Variants in PMPCB observed in about 807,000 individuals in gnomAD.
The protein encoded by PMPCB is peptidase, mitochondrial processing subunit beta, also known as mitochondrial-processing peptidase subunit beta.
Under a neutral mutation model 61.5 loss-of-function variants are expected in PMPCB, and 46 were observed. That is an observed-to-expected ratio of 0.75 (90% CI 0.59 to 0.96). PMPCB has a LOEUF of 0.96. PMPCB is among the 40% of genes least tolerant of loss of function. The probability of loss-of-function intolerance (pLI) is 0.00; values close to 1 mark genes in which losing one functional copy is unlikely to be tolerated. For missense variants in PMPCB, 590 were observed against 602.4 expected (o/e 0.98, Z 0.22); for synonymous variants, 191 against 201.6 (o/e 0.95, Z 0.44).
intron 12 of PMPCB, chr7:103,322,104 C>A (rs774036735): frequency 2.5e-6 from 4 of 1,576,472 alleles, no homozygotes; most frequent in Non-Finnish European, 1.7e-6. Flanking sequence ...GGAGTAAAAT[C>A]ATTTTAATAG....
At position 103,313,843 on chromosome 7, in the gene PMPCB, T is replaced by C; in HGVS notation, c.*1572T>C. The C allele has an allele frequency of 1.0e-6, 1 of 985,328 alleles. No homozygotes were observed. The allele number at this position is 985,328 out of a possible 1,614,324, so 61.0% of individuals were successfully genotyped here. ...ACTTGTGTAGGTAAAAGTAGAATGTTAAGTGGTAGAAAGCTGATTTGGTTA... is the reference window on the plus strand; with the variant it reads ...ACTTGTGTAGGTAAAAGTAGAATGTCAAGTGGTAGAAAGCTGATTTGGTTA... On this transcript the variant is annotated 3_prime_UTR_variant, in exon 13 of 13. Transcript: ENST00000249269.
intron 4 of PMPCB, among the ~76,000 whole-genome samples, chr7:103,301,297 A>G (rs1209571182): frequency 6.6e-6 from 1 of 152,230 alleles, no homozygotes; most frequent in Non-Finnish European, 1.5e-5. Flanking sequence ...GTAAATAACT[A>G]AAATACTTAA....
At chr7:103,307,036 G>T (rs901282778) in intron 6 of PMPCB, among the ~76,000 whole-genome samples, 1 of 152,142 alleles carries the variant, frequency 6.6e-6, no homozygotes, top group African/African-American at 2.4e-5. Flanking sequence ...CGGGATTACA[G>T]GTGTGAGCCA....
At chr7:103,331,283 T>G (rs1161905561), downstream of PMPCB, among the ~76,000 whole-genome samples, 1 of 152,222 alleles carries the variant, frequency 6.6e-6, no homozygotes, top group African/African-American at 2.4e-5. Context: ...TCATGATACA[T>G]GCATAAACCA....
chr7:103,324,743 T>C lies in PMPCB; in HGVS notation c.*1432-4188T>C, dbSNP rs76981212. 3,408 of 497,594 alleles carry C rather than the reference T, an allele frequency of 6.8e-3. 204 individuals are homozygous for C. The East Asian group carries it at 0.13, about 19-fold the overall frequency. The allele number at this position is 497,594 out of a possible 1,614,324, so 30.8% of individuals were successfully genotyped here. A position where few individuals can be genotyped will look rare whatever the true frequency, so the allele number is the denominator to read the frequency against. On this transcript the variant is annotated intron_variant and NMD_transcript_variant, in intron 12 of 12. Transcript: ENST00000444457. ...GCAGTGGGGCATGAAACAATGCAGG[T>C]GTGCGAAAAGTGAGGCCAAAGATAG...
intron 12 of PMPCB, among the ~76,000 whole-genome samples, chr7:103,320,457 A>C (rs891520014): frequency 6.6e-6 from 1 of 152,030 alleles, no homozygotes; most frequent in South Asian, 2.1e-4. Context: ...TTCTAAACAT[A>C]ATCATCTTAC....
chr7:103,336,484 C>A, the PMPCB span: 1 of 152,282 alleles, frequency 6.6e-6, no homozygotes, highest in Non-Finnish European at 1.5e-5. Context: ...GCTGGGAATA[C>A]AGGTGCCCAC....
chr7:103,341,539 C>A, the PMPCB span, among the ~76,000 whole-genome samples: 1 of 152,150 alleles, frequency 6.6e-6, no homozygotes, highest in African/African-American at 2.4e-5. Flanking sequence ...CTTTTAAGAC[C>A]GGTGCAAACA....
chr7:103,330,502 G>A (rs551705266), downstream of PMPCB, among the ~76,000 whole-genome samples: 2 of 152,090 alleles, frequency 1.3e-5, no homozygotes, highest in Admixed American at 1.3e-4. Flanking sequence ...GCCCAGGCTG[G>A]AGTGCAGTGG....
At chr7:103,308,598 G>T (rs759787214) in intron 7 of PMPCB, among the ~76,000 whole-genome samples, 2 of 152,056 alleles carry the variant, frequency 1.3e-5, no homozygotes, top group Admixed American at 1.3e-4. Flanking sequence ...CAGGCTGGGC[G>T]ACAGAGTGAG....
chr7:103,343,166 C>CT, the PMPCB span, among the ~76,000 whole-genome samples: 1 of 151,758 alleles, frequency 6.6e-6, no homozygotes, highest in Non-Finnish European at 1.5e-5. Flanking sequence ...CGCCCAGCTA[C>CT]TTTTTTGTAT....
intron 2 of PMPCB, 58 bp from the exon 3 acceptor site, chr7:103,299,385 C>G (rs1817384686): frequency 9.8e-7 from 1 of 1,021,156 alleles, no homozygotes; most frequent in Non-Finnish European, 1.5e-6. Context: ...GGAGACTGTT[C>G]CCCCCAACCT....
intron 12 of PMPCB, chr7:103,322,727 T>C (rs2115885088): frequency 6.2e-7 from 1 of 1,611,984 alleles, no homozygotes; most frequent in East Asian, 2.2e-5. Flanking sequence ...ATTCTGTTCA[T>C]TTCTTCTTTT....
downstream of PMPCB, chr7:103,316,870 T>C: frequency 8.7e-6 from 14 of 1,614,052 alleles, no homozygotes; most frequent in Non-Finnish European, 1.2e-5. Flanking sequence ...ACAGCTTTAA[T>C]TAGTAATTGT....
rs761880447 is a variant in PMPCB at position 103,312,911 on chromosome 7, A to G, written c.*640A>G. The G allele has an allele frequency of 1.3e-6, 2 of 1,587,566 alleles. No individual in the cohort carries two copies. The highest frequency in any genetic ancestry group is 2.3e-5 in the South Asian group (2 of 86,054). On this transcript the variant is annotated 3_prime_UTR_variant, in exon 13 of 13. Transcript: ENST00000249269. ...AGCTATATCACCCAAGCTACAATTTAAAATACAACAATCTATAAACGCTTA... is the reference window on the plus strand; with the variant it reads ...AGCTATATCACCCAAGCTACAATTTGAAATACAACAATCTATAAACGCTTA...
intron 12 of PMPCB, among the ~76,000 whole-genome samples, chr7:103,328,168 C>T (rs1054429451): frequency 6.6e-5 from 10 of 151,862 alleles, no homozygotes; most frequent in South Asian, 2.1e-4. Flanking sequence ...GTGATCCACC[C>T]GCCTCGGCCT....
At chr7:103,332,140 G>A (rs562023290), downstream of PMPCB, among the ~76,000 whole-genome samples, 46 of 152,034 alleles carry the variant, frequency 3.0e-4, no homozygotes, top group South Asian at 8.5e-3. Context: ...GAGTAGCTGG[G>A]ACTACAGGCA....
chr7:103,310,527 A>G (rs1817709412), intron 9 of PMPCB, 52 bp downstream of exon 9: 1 of 1,434,272 alleles, frequency 7.0e-7, no homozygotes, highest in Non-Finnish European at 9.6e-7. Context: ...TTCGTTTTAA[A>G]CTAGTTTTTT....
At chr7:103,341,978 G>T in the PMPCB span, 1 of 1,512,184 alleles carries the variant, frequency 6.6e-7, no homozygotes, top group East Asian at 2.3e-5. Flanking sequence ...TGTTAAGAGA[G>T]GCTTCAGTGT....
Sources: allele counts gnomAD v4.1 joint callset (sites outside exome capture counted in the v4.1 genomes callset), GRCh38; gene constraint gnomAD v4.1.1; transcripts MANE v1.5; gene names NCBI Gene and HGNC (gene_info 2026-07-23, HGNC 2026-07-21).